The following RARB variants were observed in gnomAD, a reference collection of about 807,000 sequenced individuals.
RARB encodes HBV-activated protein.
In RARB, 17 loss-of-function variants were observed where a neutral mutation model predicts 51.9. The ratio of observed to expected loss-of-function variants is 0.33; its 90% confidence interval spans 0.22 to 0.49. RARB has a LOEUF of 0.49. RARB is among the 20% of genes least tolerant of loss of function. The pLI is 0.99. For synonymous variants in RARB, 215 were observed against 195.4 expected (o/e 1.10, Z -0.84); for missense variants, 369 against 550.8 (o/e 0.67, Z 3.30).
intron 3 of RARB, among the ~76,000 whole-genome samples, chr3:25,069,570 A>G (rs1031913851): frequency 7.9e-5 from 12 of 152,310 alleles, no homozygotes; most frequent in Non-Finnish European, 1.8e-4. Context: ...TGTCTCAAAA[A>G]TTCCTCATCT....
At chr3:25,409,444 T>C (rs1707500191) in intron 5 of RARB, among the ~76,000 whole-genome samples, 1 of 152,106 alleles carries the variant, frequency 6.6e-6, no homozygotes, top group Non-Finnish European at 1.5e-5. Flanking sequence ...ACATTCATCA[T>C]AGACTCAGTT....
At chr3:24,863,969 T>G (rs112512729) in intron 2 of RARB, among the ~76,000 whole-genome samples, 6,502 of 152,212 alleles carry the variant, frequency 0.043, 191 homozygotes, top group Non-Finnish European at 0.066. Flanking sequence ...TATCTCAATG[T>G]CCTGCCAATC....
chr3:25,381,913 G>A, intron 5 of RARB, among the ~76,000 whole-genome samples: 1 of 152,088 alleles, frequency 6.6e-6, no homozygotes, highest in South Asian at 2.1e-4. Flanking sequence ...CTACTCTCAA[G>A]CTGCATTCAG....
chr3:24,955,254 A>G lies in RARB; in HGVS notation c.-380+96502A>G, dbSNP rs1343806624. On this transcript the variant is annotated intron_variant, in intron 2 of 11. Coordinates refer to the RARB transcript ENST00000383772. ...CCAGGCTCCTCTCTGAAGTCATGCC[A>G]TCTGAAGTTAAGCTGCGTCTGTCTG... 3.3e-5 allele frequency among the ~76,000 whole-genome samples: 5 copies of G among 152,230 alleles called. No homozygotes were observed. The East Asian group carries it at 9.6e-4, about 29-fold the overall frequency.
intron 3 of RARB, among the ~76,000 whole-genome samples, chr3:25,081,621 ATTTTTT>A (rs1168828068): frequency 1.7e-4 from 1 of 5,802 alleles, no homozygotes; most frequent in Non-Finnish European, 3.1e-4. Flanking sequence ...ATATATATAT[ATTTTTT>A]TTTTTTTTTT....
chr3:25,444,689 A>G (rs982127206), intron 1 of RARB, among the ~76,000 whole-genome samples: 1 of 152,214 alleles, frequency 6.6e-6, no homozygotes, highest in Non-Finnish European at 1.5e-5. Flanking sequence ...GGAAGATTCA[A>G]TGTATCTCCT....
intron 5 of RARB, among the ~76,000 whole-genome samples, chr3:25,302,576 AT>A (rs1241744510): frequency 9.9e-5 from 15 of 152,238 alleles, no homozygotes; most frequent in Admixed American, 9.8e-4. Context: ...CAGAAAGTAG[AT>A]TAGCAGCTTC....
At chr3:25,225,555 T>A (rs1452584159) in intron 5 of RARB, among the ~76,000 whole-genome samples, 1 of 152,106 alleles carries the variant, frequency 6.6e-6, no homozygotes, top group Admixed American at 6.6e-5. Flanking sequence ...TTCCCAATAA[T>A]TAATATACCA....
intron 5 of RARB, among the ~76,000 whole-genome samples, chr3:25,364,837 G>A (rs2125466815): frequency 6.6e-6 from 1 of 152,270 alleles, no homozygotes; most frequent in African/African-American, 2.4e-5. Flanking sequence ...TAAAATTTCT[G>A]AAAGATTTGT....
chr3:24,970,795 T>C (rs1696381234), intron 2 of RARB, among the ~76,000 whole-genome samples: 1 of 152,014 alleles, frequency 6.6e-6, no homozygotes. Flanking sequence ...TCTGACTGCT[T>C]GATTTAAAGA....
intron 5 of RARB, among the ~76,000 whole-genome samples, chr3:25,182,507 G>T (rs903195031): frequency 6.6e-6 from 1 of 152,050 alleles, no homozygotes; most frequent in Non-Finnish European, 1.5e-5. Flanking sequence ...TGTCCCCAAG[G>T]GGTATAAAAG....
chr3:24,921,015 C>T (rs1424260037), intron 2 of RARB, among the ~76,000 whole-genome samples: 1 of 152,112 alleles, frequency 6.6e-6, no homozygotes, highest in Non-Finnish European at 1.5e-5. Flanking sequence ...TAGGTCAAGG[C>T]TTACTGGTGC....
rs768100812 is a variant in RARB, at chr3:25,569,825, A to C, written c.516A>C (p.Glu172Asp). 1.2e-6 allele frequency: 2 copies of C among 1,614,216 alleles called. No individual in the cohort carries two copies. Among genetic ancestry groups the C allele is most frequent in the South Asian group, 1.1e-5 (1 of 91,088 alleles). ...AGCAAGAATGCACAGAGAGCTATGAAATGACAGCTGAGTTGGACGATCTCA... is the reference window on the plus strand; with the variant it reads ...AGCAAGAATGCACAGAGAGCTATGACATGACAGCTGAGTTGGACGATCTCA... ...TSKQECTESY[E>D]MTAELDDLTE... is the part of the protein sequence containing the mutation. Residue 172 changes from glutamate to aspartate, a missense_variant, in exon 4 of 8, where the codon GAA (glutamate) becomes GAC (aspartate). By Grantham distance (45) the Glu-to-Asp change is conservative (BLOSUM62 2). This residue lies in a region of RARB where 46 missense variants were observed against 43.2 expected (regional missense o/e 1.07). Transcript: ENST00000330688.
chr3:25,520,601 C>T (rs1037764184), intron 3 of RARB, among the ~76,000 whole-genome samples: 7 of 152,234 alleles, frequency 4.6e-5, no homozygotes, highest in Non-Finnish European at 8.8e-5. Context: ...AATGAGCTTG[C>T]TTTTCTTATC....
intron 5 of RARB, among the ~76,000 whole-genome samples, chr3:25,228,522 G>A (rs970505992): frequency 6.6e-6 from 1 of 151,092 alleles, no homozygotes; most frequent in Non-Finnish European, 1.5e-5. Context: ...TTGATTCTTT[G>A]ATATTCTTCA....
chr3:25,219,373 G>C (rs1432891684), intron 5 of RARB, among the ~76,000 whole-genome samples: 1 of 152,174 alleles, frequency 6.6e-6, no homozygotes, highest in African/African-American at 2.4e-5. Context: ...AGAGAGCATA[G>C]AAGAGGAGGC....
intron 4 of RARB, 146 bp downstream of exon 4, chr3:25,570,064 G>T: frequency 8.3e-7 from 1 of 1,206,084 alleles, no homozygotes; most frequent in Admixed American, 2.7e-5. Context: ...AGCCAGCTGG[G>T]GCTATGTAGT....
At chr3:24,969,843 A>C (rs372182582) in intron 2 of RARB, among the ~76,000 whole-genome samples, 1 of 152,106 alleles carries the variant, frequency 6.6e-6, no homozygotes, top group Non-Finnish European at 1.5e-5. Context: ...TCATTGTTAA[A>C]TATACTTTTA....
intron 2 of RARB, among the ~76,000 whole-genome samples, chr3:24,939,151 T>G (rs1399650616): frequency 1.3e-5 from 2 of 152,102 alleles, no homozygotes; most frequent in African/African-American, 4.8e-5. Flanking sequence ...TCTGGCTAAT[T>G]GTTTGTATTT....
Sources: gnomAD v4.1 joint callset for allele counts (sites outside exome capture counted in the v4.1 genomes callset) on GRCh38, gnomAD v4.1.1 for gene constraint, gnomAD v4.1.1 regional missense constraint, MANE v1.5 for transcripts, NCBI Gene and HGNC (gene_info 2026-07-23, HGNC 2026-07-21) for gene names.